The following RHBDL3 variants were observed in gnomAD, a reference collection of about 807,000 sequenced individuals.
RHBDL3 encodes the protein rhomboid like 3.
A neutral mutation model predicts 48.2 loss-of-function variants in RHBDL3; 28 were observed. The observed-to-expected ratio is 0.58, with a 90% confidence interval of 0.43 to 0.80. RHBDL3 has a LOEUF of 0.80. Among genes scored for constraint, RHBDL3 ranks in the 30% least tolerant of loss-of-function variants. RHBDL3 has a pLI of 0.00. For missense variants in RHBDL3, 464 were observed against 542.7 expected, an observed-to-expected ratio of 0.85 and a Z score of 1.44; for synonymous variants, 208 against 232.3, an observed-to-expected ratio of 0.90 and a Z score of 0.95.
At chr17:32,267,664 G>GCCCCCCCCCCCT in intron 1 of RHBDL3, 1 of 90,514 alleles carries the variant, frequency 1.1e-5, no homozygotes. Flanking sequence ...TGCCGCCCCC[G>GCCCCCCCCCCCT]CCCCCACCCC....
chr17:32,284,460 C>G (rs748313539), intron 2 of RHBDL3, 199 bp from the exon 3 acceptor site: 69 of 544,460 alleles, frequency 1.3e-4, no homozygotes, highest in Middle Eastern at 9.8e-4. Context: ...ATTGGGTGAT[C>G]CTGAAGGTCT....
chr17:32,305,311 C>G, intron 6 of RHBDL3, 30 bp from the exon 7 acceptor site: 3 of 1,531,728 alleles, frequency 2.0e-6, no homozygotes, highest in Non-Finnish European at 2.7e-6. Context: ...TCCCGCACTC[C>G]TGAGAATTCT....
Position 32,282,748 on chromosome 17 carries a change from A to G in RHBDL3, c.136-1911A>G, listed in dbSNP as rs566185636. On this transcript the variant is annotated intron_variant, in intron 2 of 8. Coordinates refer to ENST00000269051, the MANE Select transcript of RHBDL3 (RefSeq NM_138328.3). ...GGCCATTCTCCTGCCTCAGCCTCCC[A>G]AGTAGCTGGGACTACAGGCGCCTGC... 5.3e-5 allele frequency among the ~76,000 whole-genome samples: 8 copies of G among 151,914 alleles called. No homozygotes were observed. The South Asian group carries it at 1.5e-3, about 28-fold the overall frequency.
At chr17:32,283,087 A>G (rs1428017063) in intron 2 of RHBDL3, among the ~76,000 whole-genome samples, 1 of 152,136 alleles carries the variant, frequency 6.6e-6, no homozygotes, top group Non-Finnish European at 1.5e-5. Context: ...CGTCATGCAC[A>G]CACATACATC....
chr17:32,274,776 C>A (rs1049051395), intron 2 of RHBDL3, among the ~76,000 whole-genome samples: 1 of 151,862 alleles, frequency 6.6e-6, no homozygotes, highest in Non-Finnish European at 1.5e-5. Flanking sequence ...GGACCTTTTG[C>A]GGCAGTCGCA....
rs1567794728 is a variant in RHBDL3, at chr17:32,321,226, CT to C, written c.1213del (p.Ter405GlufsTer48). ...LLDLKLPPPP[*>X] The stretch of plus-strand genomic sequence containing the variant: ...TGGACTTAAAGCTGCCGCCTCCCCC[CT>C]GAGGGCTGGAGGCCCAAGGTCGGGG... On this transcript the variant is annotated frameshift_variant and stop_lost, in exon 9 of 9. Coordinates refer to ENST00000269051, the MANE Select transcript of RHBDL3 (RefSeq NM_138328.3). LOFTEE classifies it high-confidence loss of function. 6 of 1,614,222 alleles carry C rather than the reference CT, an allele frequency of 3.7e-6. No individual in the cohort carries two copies. Among genetic ancestry groups the C allele is most frequent in the Non-Finnish European group, 4.2e-6 (5 of 1,180,034 alleles).
chr17:32,282,642 A>G (rs1230422141), intron 2 of RHBDL3, among the ~76,000 whole-genome samples: 3 of 151,714 alleles, frequency 2.0e-5, no homozygotes, highest in African/African-American at 7.3e-5. Flanking sequence ...TTCTTTTTTG[A>G]GACGGAGTCT....
At chr17:32,302,339 A>G (rs1481603262) in intron 6 of RHBDL3, among the ~76,000 whole-genome samples, 2 of 124,906 alleles carry the variant, frequency 1.6e-5, no homozygotes, top group African/African-American at 2.9e-5. Flanking sequence ...AGTCACTTGA[A>G]AGTCTGCTTT....
intron 2 of RHBDL3, among the ~76,000 whole-genome samples, chr17:32,278,212 T>G (rs1482046114): frequency 6.6e-6 from 1 of 152,120 alleles, no homozygotes; most frequent in Non-Finnish European, 1.5e-5. Context: ...GCAGGAAAAT[T>G]GCTTGAACCT....
At chr17:32,309,657 A>C (rs897762733) in intron 7 of RHBDL3, among the ~76,000 whole-genome samples, 3 of 152,128 alleles carry the variant, frequency 2.0e-5, no homozygotes, top group Admixed American at 6.6e-5. Context: ...TTGGAGCCCC[A>C]GTTGTCTCAT....
chr17:32,298,365 C>G (rs904640115), intron 6 of RHBDL3, among the ~76,000 whole-genome samples, 161 bp downstream of exon 6: 1 of 152,234 alleles, frequency 6.6e-6, no homozygotes, highest in Non-Finnish European at 1.5e-5. Flanking sequence ...ACCCACCTCC[C>G]TATGAGGCTG....
At chr17:32,272,353 T>A (rs2039791511) in intron 2 of RHBDL3, among the ~76,000 whole-genome samples, 1 of 151,996 alleles carries the variant, frequency 6.6e-6, no homozygotes. Context: ...TCATTTGTAG[T>A]CCCCCCTGCA....
intron 7 of RHBDL3, among the ~76,000 whole-genome samples, chr17:32,306,560 T>C (rs1225227232): frequency 6.6e-6 from 1 of 152,164 alleles, no homozygotes; most frequent in Non-Finnish European, 1.5e-5. Context: ...TCAGCCTAGG[T>C]CTAAATCCCT....
intron 8 of RHBDL3, among the ~76,000 whole-genome samples, chr17:32,319,204 C>T (rs886832027): frequency 6.6e-6 from 1 of 151,710 alleles, no homozygotes; most frequent in Non-Finnish European, 1.5e-5. Context: ...GGACGGATCA[C>T]GAGGTCAGGA....
At chr17:32,294,815 C>G (rs183393668) in intron 5 of RHBDL3, among the ~76,000 whole-genome samples, 4 of 152,114 alleles carry the variant, frequency 2.6e-5, no homozygotes, top group African/African-American at 7.2e-5. Flanking sequence ...GATTTATTGT[C>G]CATAACTGTG....
chr17:32,292,083 T>C (rs778877240), intron 4 of RHBDL3, among the ~76,000 whole-genome samples: 1 of 152,176 alleles, frequency 6.6e-6, no homozygotes, highest in Admixed American at 6.5e-5. Context: ...ACCTGAGATA[T>C]TCTTAAACAG....
intron 2 of RHBDL3, 183 bp from the exon 3 acceptor site, chr17:32,284,476 T>C: frequency 3.5e-6 from 2 of 568,404 alleles, no homozygotes; most frequent in Non-Finnish European, 3.1e-6. Context: ...GGTCTGCAGG[T>C]CCTCCAGGAC....
At chr17:32,313,747 C>A (rs938758454) in intron 7 of RHBDL3, among the ~76,000 whole-genome samples, 8 of 141,612 alleles carry the variant, frequency 5.6e-5, no homozygotes, top group African/African-American at 1.8e-4. Flanking sequence ...TCAGAATTCC[C>A]TCCCTTTTTT....
At chr17:32,310,691 C>T (rs1309463199) in intron 7 of RHBDL3, among the ~76,000 whole-genome samples, 4 of 149,186 alleles carry the variant, frequency 2.7e-5, no homozygotes, top group Non-Finnish European at 4.4e-5. Flanking sequence ...CCAGCCTGGG[C>T]GACAGATAGA....
Sources: gnomAD v4.1 joint callset for allele counts (sites outside exome capture counted in the v4.1 genomes callset) on GRCh38, gnomAD v4.1.1 for gene constraint, MANE v1.5 for transcripts, NCBI Gene and HGNC (gene_info 2026-07-23, HGNC 2026-07-21) for gene names.